Variants in TIGD1 observed in about 807,000 individuals in gnomAD.
The protein encoded by TIGD1 is tigger transposable element derived 1.
TIGD1 carries 20 observed loss-of-function variants against 21.3 expected under a neutral mutation model. That is an observed-to-expected ratio of 0.94 (90% CI 0.66 to 1.36). The LOEUF (loss-of-function observed/expected upper bound fraction) is 1.36. Ranked by LOEUF, TIGD1 falls within the 40% of genes most tolerant of loss-of-function variation. TIGD1 has a pLI of 0.00. For missense variants in TIGD1, 556 were observed against 350.5 expected, an observed-to-expected ratio of 1.59 and a Z score of -4.68; for synonymous variants, 177 against 123.2, an observed-to-expected ratio of 1.44 and a Z score of -2.89.
chr2:232,544,429 T>A lies in TIGD1; in HGVS notation c.*3678A>T, dbSNP rs1692082514. ...ACGTTCGCCCGCTGGCCCCGGCAGC[T>A]GTGCAGGACACCCAGTCCCGGCTAC... On this transcript the variant is annotated 3_prime_UTR_variant, in exon 1 of 1. Transcript: ENST00000408957. 1.2e-6 allele frequency: 2 copies of A among 1,613,514 alleles called. No individual in the cohort carries two copies. The highest frequency in any genetic ancestry group is 1.7e-6 in the Non-Finnish European group (2 of 1,179,992).
In TIGD1 at chr2:232,544,039, CTG is replaced by C. The variant is rs1216078720; in HGVS notation, c.*4066_*4067del. 1.3e-5 allele frequency among the ~76,000 whole-genome samples: 2 copies of C among 152,216 alleles called. No homozygotes were observed. Among genetic ancestry groups the C allele is most frequent in the African/African-American group, 4.8e-5 (2 of 41,454 alleles). ...TCTGCCAGGGCAGTCTGATTCCAGT[CTG>C]TGTGATCTGTAGCCCACCTGCAGCC... is the stretch of plus-strand genomic sequence containing the variant. On this transcript the variant is annotated 3_prime_UTR_variant, in exon 1 of 1. Transcript: ENST00000408957.
rs1574649596 is a variant in TIGD1, at chr2:232,548,605, T to C, written c.1278A>G (p.Ala426=). 3.6e-6 allele frequency: 2 copies of C among 555,700 alleles called. No homozygotes were observed. The highest frequency in any genetic ancestry group is 6.8e-6 in the Non-Finnish European group (2 of 296,214). 34.4% of individuals were successfully genotyped at this position (555,700 alleles called of 1,614,324 possible). ...GFKTSVEEVS[A]DVVEIAKELE... ...GTTCTTTTGCTATTTCCACCACATCTGCACTTACTTCCTCCACTGAAGTCT... is the reference window on the plus strand; with the variant it reads ...GTTCTTTTGCTATTTCCACCACATCCGCACTTACTTCCTCCACTGAAGTCT... The change falls in exon 1 of 1, where the codon GCA becomes GCG. Residue 426 remains alanine (A), a synonymous_variant. Coordinates refer to ENST00000408957, the MANE Select transcript of TIGD1 (RefSeq NM_145702.4).
At position 232,547,600 on chromosome 2, in the gene TIGD1, G is replaced by C. The variant is rs527564448; in HGVS notation, c.*507C>G. ...ATTATTTACTCCAGTGTGAGTCTGT[G>C]TCTGTGCATGCACAGTGTGTTTGAA... On this transcript the variant is annotated 3_prime_UTR_variant, in exon 1 of 1. Coordinates refer to ENST00000408957, the MANE Select transcript of TIGD1 (RefSeq NM_145702.4). Among the ~76,000 whole-genome samples the C allele has an allele frequency of 1.4e-4, 21 of 152,296 alleles. No homozygotes were observed. In the East Asian group the frequency reaches 4.0e-3, roughly 29 times the overall value.
chr2:232,545,863 TG>T lies in TIGD1; in HGVS notation c.*2243del. 1.1e-6 allele frequency: 1 copy of T among 932,394 alleles called. No homozygotes were observed. The highest frequency in any genetic ancestry group is 1.4e-5 in the South Asian group (1 of 72,760). The allele number at this position is 932,394 out of a possible 1,614,324, so 57.8% of individuals were successfully genotyped here. ...TGAGCCAAACAGCCCTGAGAAAAGC[TG>T]GGGAAACAGTCTGAGCTGGAGTCCG... On this transcript the variant is annotated 3_prime_UTR_variant, in exon 1 of 1. Coordinates refer to ENST00000408957, the MANE Select transcript of TIGD1 (RefSeq NM_145702.4).
At position 232,545,052 on chromosome 2, in the gene TIGD1, T is replaced by C. The variant is rs1347127036; in HGVS notation, c.*3055A>G. On this transcript the variant is annotated 3_prime_UTR_variant, in exon 1 of 1. Coordinates refer to ENST00000408957, the MANE Select transcript of TIGD1 (RefSeq NM_145702.4). ...TGGGTCACACCTGTAATCCCAGTAC[T>C]TTGGGAGGCCGAGGCGAGTGGATCA... 2 of 1,017,170 alleles carry C rather than the reference T, an allele frequency of 2.0e-6. No homozygotes were observed. Among genetic ancestry groups the C allele is most frequent in the Non-Finnish European group, 3.0e-6 (2 of 673,838 alleles). The allele number at this position is 1,017,170 out of a possible 1,614,324, so 63.0% of individuals were successfully genotyped here. A position where few individuals can be genotyped will look rare whatever the true frequency, so the allele number is the denominator to read the frequency against.
rs1479680400 is a variant in TIGD1, at chr2:232,549,680, T to C, written c.203A>G (p.Asn68Ser). ...GTTTCGCTTTCTTATCATTCGTGTG[T>C]TCATTGGAGTAGCACTTTTAACTTC... Reference protein sequence around the residue: ...LKEVKSATPMNTRMIRKRNSL... With the variant: ...LKEVKSATPMSTRMIRKRNSL... Residue 68 changes from asparagine (N) to serine (S), a missense_variant, in exon 1 of 1, where the codon AAC (asparagine) becomes AGC (serine). Coordinates refer to ENST00000408957, the MANE Select transcript of TIGD1 (RefSeq NM_145702.4). The C allele has an allele frequency of 1.4e-6, 1 of 738,562 alleles. No individual in the cohort carries two copies. Among genetic ancestry groups the C allele is most frequent in the South Asian group, 1.5e-5 (1 of 67,716 alleles). 45.8% of individuals were successfully genotyped at this position (738,562 alleles called of 1,614,324 possible).
In TIGD1 at chr2:232,544,640, A is replaced by C; in HGVS notation, c.*3467T>G. On this transcript the variant is annotated 3_prime_UTR_variant, in exon 1 of 1. Transcript: ENST00000408957. ...CCCCTGGGACCCCAGCTGGGGAGCCAGGCACAGCAGATGAGTGCTGGAGAA... is the reference window on the plus strand; with the variant it reads ...CCCCTGGGACCCCAGCTGGGGAGCCCGGCACAGCAGATGAGTGCTGGAGAA... 1 of 1,568,378 alleles carries C rather than the reference A, an allele frequency of 6.4e-7. No individual in the cohort carries two copies. The highest frequency in any genetic ancestry group is 8.8e-7 in the Non-Finnish European group (1 of 1,140,274).
rs1559308866 is a variant in TIGD1 at position 232,549,695 on chromosome 2, CT to C, written c.187del (p.Ser63ValfsTer5). On this transcript the variant is annotated frameshift_variant, in exon 1 of 1. Coordinates refer to ENST00000408957, the MANE Select transcript of TIGD1 (RefSeq NM_145702.4). LOFTEE classifies it high-confidence loss of function. Reference protein sequence around the residue: ...AKEKFLKEVKSATPMNTRMIR... With the variant: ...AKEKFLKEVKXATPMNTRMIR... ...CATTCGTGTGTTCATTGGAGTAGCA[CT>C]TTTAACTTCCTTCAAGAACTTTTCC... 1 of 802,628 alleles carries C rather than the reference CT, an allele frequency of 1.2e-6. No individual in the cohort carries two copies. The highest frequency in any genetic ancestry group is 1.5e-5 in the South Asian group (1 of 68,910). 49.7% of individuals were successfully genotyped at this position (802,628 alleles called of 1,614,324 possible). A position where few individuals can be genotyped will look rare whatever the true frequency, so the allele number is the denominator to read the frequency against.
chr2:232,544,954 C>T lies in TIGD1; in HGVS notation c.*3153G>A, dbSNP rs767564288. The T allele has an allele frequency of 3.1e-6, 5 of 1,610,908 alleles. No homozygotes were observed. In the East Asian group the frequency reaches 8.9e-5, roughly 29 times the overall value. On this transcript the variant is annotated 3_prime_UTR_variant, in exon 1 of 1. Transcript: ENST00000408957. ...GTGGAGTGAGTACCTGGGCTTGGAA[C>T]CGTGATAGAGACAGGATGAGTGGGG...
Position 232,546,060 on chromosome 2 carries a change from T to G in TIGD1, c.*2047A>C. On this transcript the variant is annotated 3_prime_UTR_variant, in exon 1 of 1. Coordinates refer to ENST00000408957, the MANE Select transcript of TIGD1 (RefSeq NM_145702.4). ...AAGCCCGAAGGACTGTTTTGTATAA[T>G]ACCTTCGGACTTGGGACTGGCTCCC... 2.5e-6 allele frequency: 1 copy of G among 393,400 alleles called. No homozygotes were observed. 24.4% of individuals were successfully genotyped at this position (393,400 alleles called of 1,614,324 possible).
At position 232,546,792 on chromosome 2, in the gene TIGD1, A is replaced by G. The variant is rs1219722006; in HGVS notation, c.*1315T>C. Among the ~76,000 whole-genome samples the G allele has an allele frequency of 1.3e-5, 2 of 152,288 alleles. No homozygotes were observed. The highest frequency in any genetic ancestry group is 2.1e-4 in the South Asian group (1 of 4,822). On this transcript the variant is annotated 3_prime_UTR_variant, in exon 1 of 1. Coordinates refer to ENST00000408957, the MANE Select transcript of TIGD1 (RefSeq NM_145702.4). Reference sequence around the variant, plus strand: ...GTCCAGAATTCCTGACTCTGACCCAATCTGACACTCTAAGATTCTACGGCC... The same window carrying G: ...GTCCAGAATTCCTGACTCTGACCCAGTCTGACACTCTAAGATTCTACGGCC...
rs1192525739 is a variant in TIGD1 at position 232,545,509 on chromosome 2, C to T, written c.*2598G>A. 3.1e-6 allele frequency: 5 copies of T among 1,601,876 alleles called. No individual in the cohort carries two copies. Among genetic ancestry groups the T allele is most frequent in the South Asian group, 1.1e-5 (1 of 90,034 alleles). On this transcript the variant is annotated 3_prime_UTR_variant, in exon 1 of 1. Transcript: ENST00000408957. ...GGACCCAGGGAAGACCTGGTGCCGC[C>T]GCTGGTTATCCCACACCTGCCTCCC...
Position 232,549,324 on chromosome 2 carries a change from C to G in TIGD1, c.559G>C (p.Asp187His). The G allele has an allele frequency of 1.5e-6, 1 of 663,878 alleles. No individual in the cohort carries two copies. The allele number at this position is 663,878 out of a possible 1,614,324, so 41.1% of individuals were successfully genotyped here. ...TTCTTCCAATAGAAGGCTGTTTCAT[C>G]TACATTGAAAATCTGTTGTTTAGTG... is the stretch of plus-strand genomic sequence containing the variant. ...GYTKQQIFNV[D>H]ETAFYWKKMP... Residue 187 changes from aspartate (D) to histidine (H), a missense_variant, in exon 1 of 1, where the codon GAT becomes CAT. Asp to His is a moderately conservative substitution (Grantham distance 81). Coordinates refer to ENST00000408957, the MANE Select transcript of TIGD1 (RefSeq NM_145702.4).
At position 232,548,334 on chromosome 2, in the gene TIGD1, A is replaced by G; in HGVS notation, c.1549T>C (p.Ser517Pro). ...TTTGATAGCATTTTGCCCACAGTAGAGCTTCTTTCAAAATTGGAGTCAATC... is the reference window on the plus strand; with the variant it reads ...TTTGATAGCATTTTGCCCACAGTAGGGCTTCTTTCAAAATTGGAGTCAATC... ...ERIDSNFERS[S>P]TVGKMLSNSI... The change falls in exon 1 of 1, where the codon TCT becomes CCT. Residue 517 changes from serine (S) to proline (P), a missense_variant. Ser to Pro is a moderately conservative substitution (Grantham distance 74). Coordinates refer to ENST00000408957, the MANE Select transcript of TIGD1 (RefSeq NM_145702.4). 1.4e-6 allele frequency: 2 copies of G among 1,404,600 alleles called. No individual in the cohort carries two copies. The highest frequency in any genetic ancestry group is 2.5e-5 in the East Asian group (1 of 40,324). The allele number at this position is 1,404,600 out of a possible 1,614,324, so 87.0% of individuals were successfully genotyped here. A position where few individuals can be genotyped will look rare whatever the true frequency, so the allele number is the denominator to read the frequency against.
Position 232,549,481 on chromosome 2 carries a change from A to T in TIGD1, c.402T>A (p.Gly134=). 1 of 678,328 alleles carries T rather than the reference A, an allele frequency of 1.5e-6. No individual in the cohort carries two copies. The highest frequency in any genetic ancestry group is 2.6e-6 in the Non-Finnish European group (1 of 377,548). The allele number at this position is 678,328 out of a possible 1,614,324, so 42.0% of individuals were successfully genotyped here. A position where few individuals can be genotyped will look rare whatever the true frequency, so the allele number is the denominator to read the frequency against. The part of the protein sequence containing the change: ...AAEEKFEASR[G]WFMRFKERSH... ...TTCTTTCCTTAAACCTCATGAACCA[A>T]CCTCTGCTAGCTTCAAACTTTTCTT... The change falls in exon 1 of 1, where the codon GGT becomes GGA. Residue 134 remains glycine (G), a synonymous_variant. Transcript: ENST00000408957.
In TIGD1 at chr2:232,549,115, G is replaced by A. The variant is rs11681785; in HGVS notation, c.768C>T (p.Pro256=). The change falls in exon 1 of 1, where the codon CCC becomes CCT. Residue 256 remains proline, a synonymous_variant. Coordinates refer to ENST00000408957, the MANE Select transcript of TIGD1 (RefSeq NM_145702.4). ...ALKNYTKSTL[P]VLYKWNSKAR... ...CTTTGCTGTTCCATTTATATAGCAC[G>A]GGTAGAGTAGATTTAGTATAATTCT... 0.027 allele frequency: 19,668 copies of A among 715,698 alleles called. 545 individuals are homozygous for A. Among genetic ancestry groups the A allele is most frequent in the East Asian group, 0.11 (4,009 of 37,258 alleles). The allele number at this position is 715,698 out of a possible 1,614,324, so 44.3% of individuals were successfully genotyped here. A position where few individuals can be genotyped will look rare whatever the true frequency, so the allele number is the denominator to read the frequency against.
chr2:232,545,866 G>C lies in TIGD1; in HGVS notation c.*2241C>G. ...GCCAAACAGCCCTGAGAAAAGCTGG[G>C]GAAACAGTCTGAGCTGGAGTCCGAG... On this transcript the variant is annotated 3_prime_UTR_variant, in exon 1 of 1. Coordinates refer to ENST00000408957, the MANE Select transcript of TIGD1 (RefSeq NM_145702.4). 1 of 912,062 alleles carries C rather than the reference G, an allele frequency of 1.1e-6. No individual in the cohort carries two copies. Among genetic ancestry groups the C allele is most frequent in the South Asian group, 1.4e-5 (1 of 72,078 alleles). 56.5% of individuals were successfully genotyped at this position (912,062 alleles called of 1,614,324 possible). A position where few individuals can be genotyped will look rare whatever the true frequency, so the allele number is the denominator to read the frequency against.
chr2:232,548,869 T>C lies in TIGD1; in HGVS notation c.1014A>G (p.Val338=), dbSNP rs1457151553. The C allele has an allele frequency of 1.7e-5, 11 of 634,948 alleles. No individual in the cohort carries two copies. Among genetic ancestry groups the C allele is most frequent in the African/African-American group, 9.0e-5 (5 of 55,832 alleles). The allele number at this position is 634,948 out of a possible 1,614,324, so 39.3% of individuals were successfully genotyped here. A position where few individuals can be genotyped will look rare whatever the true frequency, so the allele number is the denominator to read the frequency against. Residue 338 remains valine, a synonymous_variant, in exon 1 of 1, where the codon GTA becomes GTG. Coordinates refer to ENST00000408957, the MANE Select transcript of TIGD1 (RefSeq NM_145702.4). ...TSILQPMDQG[V]ISTFKSYYLR... ...AATAATAAGACTTGAAGGTCGAAAT[T>C]ACCCCTTGATCCATGGGCTGCAGAA...
rs1021070347 is a variant in TIGD1 at position 232,549,776 on chromosome 2, A to G, written c.107T>C (p.Ile36Thr). Reference protein sequence around the residue: ...LSEEGMSKAEIGRRLGLLRQT... With the variant: ...LSEEGMSKAETGRRLGLLRQT... ...CCGCAGGAGGCCTAGCCTTCGGCCT[A>G]TCTCGGCTTTTGACATACCTTCCTC... The change falls in exon 1 of 1, where the codon ATA (isoleucine) becomes ACA (threonine). Residue 36 changes from isoleucine to threonine, a missense_variant. Physicochemically the swap from Ile to Thr is moderately conservative, Grantham distance 89. Coordinates refer to ENST00000408957, the MANE Select transcript of TIGD1 (RefSeq NM_145702.4). 5.9e-6 allele frequency: 9 copies of G among 1,532,188 alleles called. No individual in the cohort carries two copies. The highest frequency in any genetic ancestry group is 8.0e-6 in the Non-Finnish European group (9 of 1,130,230). The allele number at this position is 1,532,188 out of a possible 1,614,324, so 94.9% of individuals were successfully genotyped here. A position where few individuals can be genotyped will look rare whatever the true frequency, so the allele number is the denominator to read the frequency against.
Sources: allele counts gnomAD v4.1 joint callset (sites outside exome capture counted in the v4.1 genomes callset), GRCh38; gene constraint gnomAD v4.1.1; transcripts MANE v1.5; gene names NCBI Gene and HGNC (gene_info 2026-07-23, HGNC 2026-07-21).